GUCY1A2: variants seen among roughly 807,000 people sequenced by gnomAD.
GUCY1A2 encodes the protein guanylate cyclase 1 soluble subunit alpha 2.
Under a neutral mutation model 63.5 loss-of-function variants are expected in GUCY1A2, and 27 were observed. The ratio of observed to expected loss-of-function variants is 0.43; its 90% CI spans 0.31 to 0.59. The LOEUF (loss-of-function observed/expected upper bound fraction) is 0.59. Ranked by LOEUF, GUCY1A2 falls within the 20% of genes least tolerant of loss-of-function variation. The pLI, the probability that GUCY1A2 is intolerant of heterozygous loss-of-function variation, is 0.11. For synonymous variants in GUCY1A2, 364 were observed against 343.5 expected (o/e 1.06, Z -0.66); for missense variants, 768 against 913.3 (o/e 0.84, Z 2.05).
At chr11:106,796,674 G>A (rs1864767557) in intron 5 of GUCY1A2, among the ~76,000 whole-genome samples, 1 of 152,160 alleles carries the variant, frequency 6.6e-6, no homozygotes, top group Non-Finnish European at 1.5e-5. Context: ...CCCTTTGTGG[G>A]TAACCCGACC....
intron 1 of GUCY1A2, among the ~76,000 whole-genome samples, chr11:107,008,752 G>GA (rs57509633): frequency 2.6e-5 from 4 of 152,104 alleles, no homozygotes; most frequent in Non-Finnish European, 4.4e-5. Context: ...TTCCATAGGG[G>GA]AAAAAATGGA....
chr11:106,941,945 G>A (rs527466032), intron 3 of GUCY1A2, among the ~76,000 whole-genome samples: 1 of 152,262 alleles, frequency 6.6e-6, no homozygotes, highest in Non-Finnish European at 1.5e-5. Flanking sequence ...CACTTATTAA[G>A]ATAAAAATAT....
chr11:106,842,454 C>T (rs966811179), intron 4 of GUCY1A2, among the ~76,000 whole-genome samples: 6 of 152,000 alleles, frequency 3.9e-5, no homozygotes, highest in African/African-American at 7.2e-5. Context: ...GGACTGTCTA[C>T]TAAATAAAAT....
chr11:106,995,172 G>GAAGC (rs1252618577), intron 1 of GUCY1A2, among the ~76,000 whole-genome samples: 2 of 152,204 alleles, frequency 1.3e-5, no homozygotes, highest in Non-Finnish European at 2.9e-5. Flanking sequence ...GTAAAATGGG[G>GAAGC]AAGCTTTCTG....
chr11:106,847,388 T>C (rs1026765344), intron 4 of GUCY1A2, among the ~76,000 whole-genome samples: 1 of 151,438 alleles, frequency 6.6e-6, no homozygotes, highest in African/African-American at 2.4e-5. Flanking sequence ...TGTAAGATAG[T>C]TGTAAGAAAT....
intron 3 of GUCY1A2, among the ~76,000 whole-genome samples, chr11:106,946,243 T>A (rs527794787): frequency 6.6e-6 from 1 of 152,230 alleles, no homozygotes; most frequent in African/African-American, 2.4e-5. Flanking sequence ...GGTCTAATTC[T>A]ACTAAGAGAA....
chr11:106,709,368 A>G (rs1201125109), intron 6 of GUCY1A2, among the ~76,000 whole-genome samples: 73 of 90,986 alleles, frequency 8.0e-4, no homozygotes, highest in Middle Eastern at 0.03. Context: ...TATAATATAT[A>G]TAAATTATAT....
intron 4 of GUCY1A2, among the ~76,000 whole-genome samples, chr11:106,881,386 A>G (rs1859821395): frequency 1.3e-5 from 2 of 152,028 alleles, no homozygotes; most frequent in Non-Finnish European, 1.5e-5. Context: ...TATATTTACT[A>G]TTTTTGTTTT....
chr11:106,829,527 G>C (rs1403960698), intron 4 of GUCY1A2, among the ~76,000 whole-genome samples: 1 of 152,168 alleles, frequency 6.6e-6, no homozygotes, highest in Non-Finnish European at 1.5e-5. Context: ...GGATCAGGAT[G>C]AATATGATGG....
Position 106,674,292 on chromosome 11 carries a change from C to T in GUCY1A2, c.*13257G>A, listed in dbSNP as rs1359988032. ...CATTGTGAATGATTTCGAATAATAA[C>T]AAATAAAAGAATGAGTAAAAAGTGG... On this transcript the variant is annotated 3_prime_UTR_variant, in exon 8 of 8. Transcript: ENST00000526355. The T allele has an allele frequency of 5.5e-6, 1 of 180,556 alleles. No homozygotes were observed. Among genetic ancestry groups the T allele is most frequent in the Non-Finnish European group, 1.2e-5 (1 of 84,686 alleles). The allele number at this position is 180,556 out of a possible 1,614,324, so 11.2% of individuals were successfully genotyped here. A position where few individuals can be genotyped will look rare whatever the true frequency, so the allele number is the denominator to read the frequency against.
At chr11:106,745,616 T>TTAAC (rs1316275438) in intron 6 of GUCY1A2, among the ~76,000 whole-genome samples, 1 of 152,234 alleles carries the variant, frequency 6.6e-6, no homozygotes, top group Admixed American at 6.5e-5. Context: ...TATTTCCTTC[T>TTAAC]TAACTACCAA....
chr11:106,903,248 C>A (rs1009331623), intron 4 of GUCY1A2, among the ~76,000 whole-genome samples: 7 of 152,062 alleles, frequency 4.6e-5, no homozygotes, highest in African/African-American at 1.7e-4. Flanking sequence ...GAAGCCTTCA[C>A]AGCCAGTCAA....
chr11:106,811,176 G>T lies in GUCY1A2; in HGVS notation c.1207-698C>A, dbSNP rs566213786. On this transcript the variant is annotated intron_variant, in intron 4 of 7. Transcript: ENST00000526355. Reference sequence around the variant, plus strand: ...GGGTCATATGATAAAGAATCTGAGGGTAAAGTAATTTAAATCTATTCCTCT... The same window carrying T: ...GGGTCATATGATAAAGAATCTGAGGTTAAAGTAATTTAAATCTATTCCTCT... Among the ~76,000 whole-genome samples the T allele has an allele frequency of 1.1e-3, 168 of 152,096 alleles. 1 individual carries two copies. The highest frequency in any genetic ancestry group is 3.8e-3 in the African/African-American group (156 of 41,514).
In GUCY1A2 at chr11:106,679,559, T is replaced by A. The variant is rs776108409; in HGVS notation, c.*7990A>T. On this transcript the variant is annotated 3_prime_UTR_variant, in exon 8 of 8. Coordinates refer to ENST00000526355, the MANE Select transcript of GUCY1A2 (RefSeq NM_000855.3). ...CTAAGGGAATATGTAATTTATTTAA[T>A]GTCAGAACAACAACAAATGTTTTTA... is the stretch of plus-strand genomic sequence containing the variant. The A allele has an allele frequency of 9.8e-5, 20 of 203,462 alleles. No homozygotes were observed. The highest frequency in any genetic ancestry group is 1.5e-4 in the Non-Finnish European group (15 of 99,248). 12.6% of individuals were successfully genotyped at this position (203,462 alleles called of 1,614,324 possible).
At chr11:106,709,362 ATATATATAAATTATATATATTATATAT>A (rs1471628268) in intron 6 of GUCY1A2, among the ~76,000 whole-genome samples, 131 of 99,704 alleles carry the variant, frequency 1.3e-3, no homozygotes, top group African/African-American at 4.6e-3. Context: ...ATTTTATATA[ATATATATAAATTATATATATTATATAT>A]TATATAAATT....
rs943923210 is a variant in GUCY1A2 at position 106,683,112 on chromosome 11, G to A, written c.*4437C>T. ...TGTGGTTTAGGAACATTCATATCAAGAGCTGCCCATAAATCGTTTAGAAAT... is the reference window on the plus strand; with the variant it reads ...TGTGGTTTAGGAACATTCATATCAAAAGCTGCCCATAAATCGTTTAGAAAT... On this transcript the variant is annotated 3_prime_UTR_variant, in exon 8 of 8. Transcript: ENST00000526355. 1 of 216,864 alleles carries A rather than the reference G, an allele frequency of 4.6e-6. No homozygotes were observed. Among genetic ancestry groups the A allele is most frequent in the Non-Finnish European group, 9.3e-6 (1 of 107,736 alleles). 13.4% of individuals were successfully genotyped at this position (216,864 alleles called of 1,614,324 possible).
intron 4 of GUCY1A2, among the ~76,000 whole-genome samples, chr11:106,913,986 C>CAAAAAAAA (rs11325847): frequency 2.5e-3 from 176 of 70,582 alleles, no homozygotes; most frequent in Non-Finnish European, 3.5e-3. Context: ...AATGAAAAAG[C>CAAAAAAAA]AAAAAAAAAA....
chr11:106,865,229 G>A (rs1565314019), intron 4 of GUCY1A2, among the ~76,000 whole-genome samples: 1 of 151,998 alleles, frequency 6.6e-6, no homozygotes, highest in East Asian at 1.9e-4. Flanking sequence ...ATTTCTCTGG[G>A]ATCAGTAGTG....
intron 1 of GUCY1A2, among the ~76,000 whole-genome samples, chr11:107,004,668 T>C (rs1171585139): frequency 6.6e-6 from 1 of 152,058 alleles, no homozygotes; most frequent in Admixed American, 6.6e-5. Context: ...AATAAGATAA[T>C]TTATGATAGT....
Sources: gnomAD v4.1 joint callset for allele counts (sites outside exome capture counted in the v4.1 genomes callset) on GRCh38, gnomAD v4.1.1 for gene constraint, MANE v1.5 for transcripts, NCBI Gene and HGNC (gene_info 2026-07-23, HGNC 2026-07-21) for gene names.